DOCK4: variants seen among roughly 807,000 people sequenced by gnomAD.
DOCK4 encodes dedicator of cytokinesis protein 4.
Under a neutral mutation model 268.1 loss-of-function variants are expected in DOCK4, and 97 were observed. That is an observed-to-expected ratio of 0.36 (90% CI 0.31 to 0.43). DOCK4 has a LOEUF of 0.43. Ranked by LOEUF, DOCK4 falls within the 20% of genes least tolerant of loss-of-function variation. The pLI, the probability that DOCK4 is intolerant of heterozygous loss-of-function variation, is 1.00. For missense variants in DOCK4, 2,145 were observed against 2,455.7 expected, an observed-to-expected ratio of 0.87 and a Z score of 2.67; for synonymous variants, 954 against 887.2, an observed-to-expected ratio of 1.08 and a Z score of -1.34.
At chr7:111,939,981 G>T in intron 11 of DOCK4, 129 bp downstream of exon 11, 1 of 900,554 alleles carries the variant, frequency 1.1e-6, no homozygotes. Flanking sequence ...ACAGATTACT[G>T]GGTTTTTGAG....
chr7:112,008,576 G>C (rs1801040294), intron 1 of DOCK4, among the ~76,000 whole-genome samples: 1 of 152,116 alleles, frequency 6.6e-6, no homozygotes. Context: ...CTCATTCCTT[G>C]GTTTCAATGA....
At chr7:112,036,372 A>G (rs1803764251) in intron 1 of DOCK4, among the ~76,000 whole-genome samples, 1 of 152,226 alleles carries the variant, frequency 6.6e-6, no homozygotes, top group South Asian at 2.1e-4. Context: ...CAACTGGGGC[A>G]TTATGATTGC....
intron 1 of DOCK4, among the ~76,000 whole-genome samples, chr7:112,083,734 A>G (rs1808801781): frequency 1.3e-5 from 2 of 152,168 alleles, no homozygotes; most frequent in Non-Finnish European, 2.9e-5. Context: ...GTCAGAACTG[A>G]TGGCAGGGAT....
chr7:112,179,431 G>A (rs1397741963), intron 1 of DOCK4, among the ~76,000 whole-genome samples: 2 of 150,732 alleles, frequency 1.3e-5, no homozygotes, highest in Non-Finnish European at 2.9e-5. Context: ...GAACTCTCTA[G>A]TAGCATTGCC....
intron 11 of DOCK4, 39 bp from the exon 12 acceptor site, chr7:111,935,667 C>T: frequency 6.5e-7 from 1 of 1,541,964 alleles, no homozygotes; most frequent in Non-Finnish European, 9.0e-7. Context: ...TTTAATGATG[C>T]ATGCAGTCAA....
intron 8 of DOCK4, among the ~76,000 whole-genome samples, chr7:111,974,043 G>C (rs989733287): frequency 6.6e-6 from 1 of 152,056 alleles, no homozygotes; most frequent in African/African-American, 2.4e-5. Flanking sequence ...GAACTGTTAG[G>C]AGTTCCAAGA....
At chr7:111,885,061 T>C (rs1807719212) in intron 16 of DOCK4, among the ~76,000 whole-genome samples, 1 of 152,184 alleles carries the variant, frequency 6.6e-6, no homozygotes, top group Non-Finnish European at 1.5e-5. Context: ...GTCTTCCCAT[T>C]AGGTGAAAGG....
rs1162744332 is a variant in DOCK4 at position 111,760,325 on chromosome 7, G to T, written c.4021-3C>A. ...CCTCGACACACAAACTCCTTATTCTGGAGATGAAAGCAAAAAAGAAATTAG... is the reference window on the plus strand; with the variant it reads ...CCTCGACACACAAACTCCTTATTCTTGAGATGAAAGCAAAAAAGAAATTAG... On this transcript the variant is annotated splice_region_variant and splice_polypyrimidine_tract_variant and intron_variant, in intron 39 of 52. Coordinates refer to ENST00000428084, the MANE Select transcript of DOCK4 (RefSeq NM_001363540.2). The T allele has an allele frequency of 6.2e-7, 1 of 1,610,942 alleles. No individual in the cohort carries two copies. Among genetic ancestry groups the T allele is most frequent in the South Asian group, 1.1e-5 (1 of 91,006 alleles).
chr7:111,756,989 G>A (rs1797064325), intron 41 of DOCK4, among the ~76,000 whole-genome samples: 1 of 152,136 alleles, frequency 6.6e-6, no homozygotes, highest in African/African-American at 2.4e-5. Flanking sequence ...CAGAGGGGGT[G>A]ACGCGTGAGC....
intron 1 of DOCK4, among the ~76,000 whole-genome samples, chr7:112,073,127 TA>T (rs1807754002): frequency 6.6e-6 from 1 of 152,090 alleles, no homozygotes; most frequent in South Asian, 2.1e-4. Flanking sequence ...CTTCCATTCC[TA>T]CTCAAAAGCT....
chr7:111,913,432 CAG>C (rs1288569925), intron 13 of DOCK4, among the ~76,000 whole-genome samples: 1 of 138,786 alleles, frequency 7.2e-6, no homozygotes, highest in Non-Finnish European at 1.5e-5. Context: ...TTTTTTGAGA[CAG>C]AGTCTCGCTC....
chr7:111,769,506 C>A, intron 37 of DOCK4, 23 bp downstream of exon 37: 1 of 1,612,678 alleles, frequency 6.2e-7, no homozygotes, highest in Non-Finnish European at 8.5e-7. Flanking sequence ...AGGAGGGACC[C>A]CGGGCGGGGC....
rs1430158686 is a variant in DOCK4, at chr7:111,964,852, A to G, written c.701+12280T>C. ...GGAAAGCCCATCAGACTAACAGCGG[A>G]TCTCTCGGCAGAAACCCTACAAGCC... On this transcript the variant is annotated intron_variant, in intron 8 of 52. Coordinates refer to ENST00000428084, the MANE Select transcript of DOCK4 (RefSeq NM_001363540.2). Among the ~76,000 whole-genome samples, 96 of 117,840 alleles carry G rather than the reference A, an allele frequency of 8.1e-4. 1 individual carries two copies. The highest frequency in any genetic ancestry group is 3.6e-3 in the African/African-American group (89 of 24,846). 77.3% of individuals were successfully genotyped at this position (117,840 alleles called of 152,430 possible).
intron 1 of DOCK4, among the ~76,000 whole-genome samples, chr7:112,175,982 A>G (rs777516348): frequency 2.6e-5 from 4 of 152,230 alleles, no homozygotes; most frequent in African/African-American, 4.8e-5. Context: ...TCAACTGACA[A>G]GTCAATTAAG....
chr7:111,945,792 T>A lies in DOCK4; in HGVS notation c.708A>T (p.Arg236Ser). 1 of 1,585,710 alleles carries A rather than the reference T, an allele frequency of 6.3e-7. No individual in the cohort carries two copies. Among genetic ancestry groups the A allele is most frequent in the African/African-American group, 1.3e-5 (1 of 74,442 alleles). Residue 236 changes from arginine to serine, a missense_variant, in exon 9 of 53, where the codon AGA (arginine) becomes AGT (serine). Physicochemically the swap from Arg to Ser is moderately radical, Grantham distance 110. Transcript: ENST00000428084. Reference sequence around the variant, plus strand: ...CGTTTCTATTCAGCCTCAAGAAAAATCTCTCACTACAAGAGAAAAAATGTT... The same window carrying A: ...CGTTTCTATTCAGCCTCAAGAAAAAACTCTCACTACAAGAGAAAAAATGTT... Reference protein sequence around the residue: ...DSKENRPISERFFLRLNRNGL... With the variant: ...DSKENRPISESFFLRLNRNGL...
intron 8 of DOCK4, among the ~76,000 whole-genome samples, chr7:111,963,220 G>A (rs1193142831): frequency 1.3e-5 from 2 of 152,052 alleles, no homozygotes; most frequent in Admixed American, 1.3e-4. Context: ...TGGCCGAATA[G>A]GAACAGCTCC....
At chr7:111,888,991 G>T (rs1011882427) in intron 16 of DOCK4, among the ~76,000 whole-genome samples, 2 of 152,074 alleles carry the variant, frequency 1.3e-5, no homozygotes, top group Non-Finnish European at 2.9e-5. Context: ...AGCAAGTCAG[G>T]TCTCACTTAA....
chr7:111,896,673 A>T (rs1326590759), intron 15 of DOCK4, among the ~76,000 whole-genome samples: 3 of 152,056 alleles, frequency 2.0e-5, no homozygotes, highest in Admixed American at 6.5e-5. Flanking sequence ...CAACTTTGGG[A>T]TGCAGTAAGA....
intron 45 of DOCK4, 39 bp downstream of exon 45, chr7:111,741,974 G>C (rs1464016606): frequency 6.6e-7 from 1 of 1,523,790 alleles, no homozygotes; most frequent in South Asian, 1.3e-5. Context: ...AAACGGCAGT[G>C]ATCAGGCTGC....
Sources: allele counts gnomAD v4.1 joint callset (sites outside exome capture counted in the v4.1 genomes callset), GRCh38; gene constraint gnomAD v4.1.1; transcripts MANE v1.5; gene names NCBI Gene and HGNC (gene_info 2026-07-23, HGNC 2026-07-21).